CMKLR1: variants seen among roughly 807,000 people sequenced by gnomAD.
CMKLR1 encodes the protein chemerin chemokine-like receptor 1, also known as chemerin-like receptor 1.
Under a neutral mutation model 8.2 loss-of-function variants are expected in CMKLR1, and 6 were observed. The ratio of observed to expected loss-of-function variants is 0.73; its 90% CI spans 0.40 to 1.44. The LOEUF is 1.44. Among genes scored for constraint, CMKLR1 ranks in the 40% most tolerant of loss-of-function variants. The pLI is 0.02. For missense variants in CMKLR1, 429 were observed against 478.0 expected (o/e 0.90, Z 0.96); for synonymous variants, 178 against 181.2 (o/e 0.98, Z 0.14).
In CMKLR1 at chr12:108,289,217, A is replaced by C. The variant is rs989564329; in HGVS notation, c.*2624T>G. ...AGGCAGGGCTAAGTAAGGCCCCATC[A>C]CTGAGTCCTGGGCCCAGAGAGAAGG... On this transcript the variant is annotated 3_prime_UTR_variant, in exon 4 of 4. Coordinates refer to ENST00000550402, the MANE Select transcript of CMKLR1 (RefSeq NM_001142343.2). 9.2e-5 allele frequency: 14 copies of C among 152,074 alleles called. No individual in the cohort carries two copies. Among genetic ancestry groups the C allele is most frequent in the African/African-American group, 3.4e-4 (14 of 41,366 alleles). The allele number at this position is 152,074 out of a possible 1,614,324, so 9.4% of individuals were successfully genotyped here.
intron 2 of CMKLR1, among the ~76,000 whole-genome samples, chr12:108,295,754 C>G (rs950155836): frequency 6.6e-6 from 1 of 152,210 alleles, no homozygotes; most frequent in Admixed American, 6.5e-5. Context: ...GTGTGAGTCC[C>G]GAGAGGAGGT....
intron 2 of CMKLR1, among the ~76,000 whole-genome samples, chr12:108,327,726 G>C (rs1036613337): frequency 1.3e-5 from 2 of 152,312 alleles, no homozygotes; most frequent in Non-Finnish European, 1.5e-5. Flanking sequence ...CTGGGCAGCA[G>C]CCCAGCCTGA....
chr12:108,312,534 C>T (rs970917321), intron 2 of CMKLR1, among the ~76,000 whole-genome samples: 3 of 152,180 alleles, frequency 2.0e-5, no homozygotes, highest in East Asian at 1.9e-4. Context: ...TAGGCACAGA[C>T]GGCATACTCA....
Position 108,292,699 on chromosome 12 carries a change from G to A in CMKLR1, c.264C>T (p.Phe88=). ...FLNLAVADFL[F]NVFLPIHITY... is the part of the protein sequence containing the mutation. ...TGATATGGATTGGGAGGAAGACGTTGAACAGGAAATCTGCCACTGCCAGGT... is the reference window on the plus strand; with the variant it reads ...TGATATGGATTGGGAGGAAGACGTTAAACAGGAAATCTGCCACTGCCAGGT... Residue 88 remains phenylalanine, a synonymous_variant, in exon 4 of 4, where the codon TTC becomes TTT. Coordinates refer to ENST00000550402, the MANE Select transcript of CMKLR1 (RefSeq NM_001142343.2). 6.2e-7 allele frequency: 1 copy of A among 1,614,136 alleles called. No homozygotes were observed. Among genetic ancestry groups the A allele is most frequent in the Non-Finnish European group, 8.5e-7 (1 of 1,180,026 alleles).
chr12:108,316,945 G>T (rs538931516), intron 2 of CMKLR1, among the ~76,000 whole-genome samples: 1 of 151,860 alleles, frequency 6.6e-6, no homozygotes, highest in Non-Finnish European at 1.5e-5. Flanking sequence ...ACTACTACAG[G>T]CATACACCAC....
Position 108,292,821 on chromosome 12 carries a change from T to A in CMKLR1, c.142A>T (p.Ser48Cys). 1 of 1,614,172 alleles carries A rather than the reference T, an allele frequency of 6.2e-7. No homozygotes were observed. The highest frequency in any genetic ancestry group is 8.5e-7 in the Non-Finnish European group (1 of 1,180,030). Residue 48 changes from serine (S) to cysteine (C), a missense_variant, in exon 4 of 4, where the codon AGC (serine) becomes TGC (cysteine). Physicochemically the swap from Ser to Cys is moderately radical, Grantham distance 112 (BLOSUM62 -1). Coordinates refer to ENST00000550402, the MANE Select transcript of CMKLR1 (RefSeq NM_001142343.2). ...VTRIFLVVVY[S>C]IVCFLGILGN... ...AGAATCCCGAGGAAGCAGACGATGCTGTAGACCACCACCAGGAAGATCCTG... is the reference window on the plus strand; with the variant it reads ...AGAATCCCGAGGAAGCAGACGATGCAGTAGACCACCACCAGGAAGATCCTG...
intron 2 of CMKLR1, among the ~76,000 whole-genome samples, chr12:108,297,018 A>C (rs552232951): frequency 6.6e-6 from 1 of 152,206 alleles, no homozygotes; most frequent in African/African-American, 2.4e-5. Context: ...AATCCTCCAC[A>C]ACCAGGAAGC....
At chr12:108,324,341 C>T (rs759299953) in intron 2 of CMKLR1, among the ~76,000 whole-genome samples, 2 of 152,164 alleles carry the variant, frequency 1.3e-5, no homozygotes, top group Non-Finnish European at 2.9e-5. Context: ...CTGGCTCTGC[C>T]GCTTACCAGC....
intron 2 of CMKLR1, among the ~76,000 whole-genome samples, chr12:108,327,858 C>T (rs921616026): frequency 1.3e-4 from 20 of 152,260 alleles, no homozygotes; most frequent in African/African-American, 4.6e-4. Context: ...AAACACTGGA[C>T]GGGGTGGGAC....
chr12:108,326,230 G>T (rs1458235038), intron 2 of CMKLR1, among the ~76,000 whole-genome samples: 1 of 152,108 alleles, frequency 6.6e-6, no homozygotes, highest in Non-Finnish European at 1.5e-5. Flanking sequence ...CTTTCCTCAG[G>T]TCCTTGCAGC....
intron 3 of CMKLR1, 134 bp downstream of exon 3, chr12:108,293,455 G>T: frequency 2.3e-6 from 2 of 852,372 alleles, no homozygotes; most frequent in Non-Finnish European, 3.8e-6. Flanking sequence ...TGAAGAAGAG[G>T]TACATGGTGC....
chr12:108,316,207 C>T (rs766693510), intron 2 of CMKLR1, among the ~76,000 whole-genome samples: 1 of 152,172 alleles, frequency 6.6e-6, no homozygotes, highest in Non-Finnish European at 1.5e-5. Context: ...CTGCACTGGT[C>T]GCCAGCCTGA....
At chr12:108,314,144 A>T (rs529853350) in intron 2 of CMKLR1, among the ~76,000 whole-genome samples, 30 of 152,330 alleles carry the variant, frequency 2.0e-4, no homozygotes, top group African/African-American at 6.3e-4. Flanking sequence ...GAGGTTCAAA[A>T]GAGGCTCACT....
intron 2 of CMKLR1, among the ~76,000 whole-genome samples, chr12:108,306,323 C>T (rs748839311): frequency 2.6e-5 from 4 of 152,300 alleles, no homozygotes; most frequent in South Asian, 2.1e-4. Flanking sequence ...GGACCCGGAG[C>T]GTGGTAGGGA....
chr12:108,314,118 C>A (rs1256920668), intron 2 of CMKLR1, among the ~76,000 whole-genome samples: 1 of 152,128 alleles, frequency 6.6e-6, no homozygotes, highest in African/African-American at 2.4e-5. Context: ...TGGCGTGATG[C>A]AGCTGTGGAT....
At chr12:108,332,692 T>C (rs1163864105) in intron 1 of CMKLR1, among the ~76,000 whole-genome samples, 2 of 152,190 alleles carry the variant, frequency 1.3e-5, no homozygotes, top group African/African-American at 4.8e-5. Flanking sequence ...TCCTTGCAGA[T>C]GGCCTATTGT....
intron 2 of CMKLR1, among the ~76,000 whole-genome samples, chr12:108,309,196 A>G (rs1260801121): frequency 6.6e-6 from 1 of 152,244 alleles, no homozygotes; most frequent in East Asian, 1.9e-4. Flanking sequence ...CGGAAGCTCT[A>G]TGTAAATGCT....
At chr12:108,317,069 C>T (rs1891753282) in intron 2 of CMKLR1, among the ~76,000 whole-genome samples, 1 of 152,192 alleles carries the variant, frequency 6.6e-6, no homozygotes, top group African/African-American at 2.4e-5. Flanking sequence ...TTCCAAAGGG[C>T]TGGGAATACA....
chr12:108,316,862 A>G (rs1434256555), intron 2 of CMKLR1, among the ~76,000 whole-genome samples: 4 of 152,216 alleles, frequency 2.6e-5, no homozygotes, highest in Admixed American at 6.5e-5. Flanking sequence ...TGGGAGCTCA[A>G]TCACAGCTCA....
Sources: gnomAD v4.1 joint callset for allele counts (sites outside exome capture counted in the v4.1 genomes callset) on GRCh38, gnomAD v4.1.1 for gene constraint, MANE v1.5 for transcripts, NCBI Gene and HGNC (gene_info 2026-07-23, HGNC 2026-07-21) for gene names.